Variants in TRIM71 observed in about 807,000 individuals in gnomAD.
The protein encoded by TRIM71 is E3 ubiquitin-protein ligase TRIM71.
In TRIM71, 9 loss-of-function variants were observed where a neutral mutation model predicts 61.2. That is an observed-to-expected ratio of 0.15 (90% confidence interval 0.09 to 0.26). The LOEUF (loss-of-function observed/expected upper bound fraction) is 0.26. Ranked by LOEUF, TRIM71 falls within the 10% of genes least tolerant of loss-of-function variation. The probability of loss-of-function intolerance (pLI) is 1.00; values close to 1 mark genes in which losing one functional copy is unlikely to be tolerated. For missense variants in TRIM71, 998 were observed against 1,238.7 expected (o/e 0.81, Z 2.92); for synonymous variants, 645 against 553.2 (o/e 1.17, Z -2.33).
rs139644775 is a variant in TRIM71, at chr3:32,891,803, G to A, written c.2599G>A (p.Val867Ile). The A allele has an allele frequency of 1.3e-3, 2,026 of 1,613,640 alleles. 1 individual carries two copies. The highest frequency in any genetic ancestry group is 1.5e-3 in the Non-Finnish European group (1,828 of 1,179,988). The change falls in exon 4 of 4, where the codon GTC becomes ATC. Residue 867 changes from valine (V) to isoleucine (I), a missense_variant. By Grantham distance (29) the Val-to-Ile change is conservative. Around this residue, in one of 5 missense-constraint regions of TRIM71, gnomAD observed 95 missense variants for 159.0 expected, o/e 0.60. Coordinates refer to ENST00000383763, the MANE Select transcript of TRIM71 (RefSeq NM_001039111.3). This position sits in a 1 kb window ranked among gnomAD's most constrained non-coding sequence, Gnocchi z 8.2. ...VVDFGNNRILVF is the reference protein window; with the variant it reads ...VVDFGNNRILIF ...GGACTTTGGCAACAATCGAATCCTC[G>A]TCTTCTAATTGCATTTCCTAGGTTT...
intron 1 of TRIM71, among the ~76,000 whole-genome samples, chr3:32,858,162 G>A (rs1308123038): frequency 6.6e-6 from 1 of 152,100 alleles, no homozygotes; most frequent in Non-Finnish European, 1.5e-5. Flanking sequence ...GGACCCTTGT[G>A]TTTCAAACCC....
intron 1 of TRIM71, among the ~76,000 whole-genome samples, chr3:32,859,091 C>G (rs1394009088): frequency 1.3e-5 from 2 of 152,080 alleles, no homozygotes; most frequent in African/African-American, 4.8e-5. Flanking sequence ...GTGCCTGTTT[C>G]CTGTTTCACA....
chr3:32,896,719 T>C lies in TRIM71; in HGVS notation c.*4908T>C, dbSNP rs1049340400. 1.3e-5 allele frequency: 2 copies of C among 152,218 alleles called. No homozygotes were observed. The highest frequency in any genetic ancestry group is 6.5e-5 in the Admixed American group (1 of 15,282). The allele number at this position is 152,218 out of a possible 1,614,324, so 9.4% of individuals were successfully genotyped here. Reference sequence around the variant, plus strand: ...ATTTAACCAATAATGGTTCTAAAAGTTTTGTGTATCCACATGGTCTTAGAC... The same window carrying C: ...ATTTAACCAATAATGGTTCTAAAAGCTTTGTGTATCCACATGGTCTTAGAC... On this transcript the variant is annotated 3_prime_UTR_variant, in exon 4 of 4. Coordinates refer to ENST00000383763, the MANE Select transcript of TRIM71 (RefSeq NM_001039111.3).
chr3:32,836,972 C>G (rs1696341528), intron 1 of TRIM71, among the ~76,000 whole-genome samples: 1 of 152,152 alleles, frequency 6.6e-6, no homozygotes. Flanking sequence ...TGGGCTGGGT[C>G]TTTCTATACA....
chr3:32,823,646 G>C (rs1180955100), intron 1 of TRIM71, among the ~76,000 whole-genome samples: 2 of 146,552 alleles, frequency 1.4e-5, no homozygotes, highest in Non-Finnish European at 3.0e-5. Flanking sequence ...TGTTTTCAAA[G>C]TGAAATAGTT....
intron 1 of TRIM71, among the ~76,000 whole-genome samples, chr3:32,869,695 C>T (rs529730905): frequency 1.6e-4 from 25 of 152,364 alleles, no homozygotes; most frequent in Admixed American, 1.2e-3. Context: ...GTCTCCCGCC[C>T]GTTCCTTTCC....
intron 1 of TRIM71, among the ~76,000 whole-genome samples, chr3:32,862,867 C>T (rs1320000169): frequency 1.3e-5 from 2 of 152,038 alleles, no homozygotes; most frequent in Admixed American, 6.6e-5. Flanking sequence ...TGCTGTAAAT[C>T]GGGACTCAGG....
chr3:32,850,313 A>C (rs1406338757), intron 1 of TRIM71, among the ~76,000 whole-genome samples: 2 of 152,172 alleles, frequency 1.3e-5, no homozygotes, highest in African/African-American at 4.8e-5. Context: ...GGGAGGGTGA[A>C]AAGCTAAGAG....
intron 1 of TRIM71, among the ~76,000 whole-genome samples, chr3:32,826,604 T>TTTTTTTTTTTA (rs1696205683): frequency 2.0e-5 from 3 of 147,698 alleles, no homozygotes; most frequent in African/African-American, 7.6e-5. Flanking sequence ...TTTTTTTTTT[T>TTTTTTTTTTTA]GAGAGGGAGC....
rs1575362037 is a variant in TRIM71 at position 32,890,648 on chromosome 3, G to T, written c.1444G>T (p.Ala482Ser). Reference sequence around the variant, plus strand: ...GTCTTTTGGCTTTGTTAGCAGCGGGGCCTTTGCCCCACTCACCAAGGCCAC... The same window carrying T: ...GTCTTTTGGCTTTGTTAGCAGCGGGTCCTTTGCCCCACTCACCAAGGCCAC... ...IKSFGFVSSGAFAPLTKATGD... is the reference protein window; with the variant it reads ...IKSFGFVSSGSFAPLTKATGD... Residue 482 changes from alanine to serine, a missense_variant, in exon 4 of 4, where the codon GCC becomes TCC. Ala to Ser is a moderately conservative substitution (Grantham distance 99, BLOSUM62 1). Around this residue, in one of 5 missense-constraint regions of TRIM71, gnomAD observed 291 missense variants for 431.2 expected, o/e 0.67. Transcript: ENST00000383763. This position sits in a 1 kb window ranked among gnomAD's most constrained non-coding sequence, Gnocchi z 6.2. 3.1e-6 allele frequency: 5 copies of T among 1,613,814 alleles called. No homozygotes were observed. The highest frequency in any genetic ancestry group is 4.2e-6 in the Non-Finnish European group (5 of 1,180,056).
In TRIM71 at chr3:32,891,289, C is replaced by G. The variant is rs896224039; in HGVS notation, c.2085C>G (p.Thr695=). The G allele has an allele frequency of 1.9e-6, 3 of 1,613,826 alleles. No individual in the cohort carries two copies. Among genetic ancestry groups the G allele is most frequent in the Non-Finnish European group, 2.5e-6 (3 of 1,179,954 alleles). The stretch of plus-strand genomic sequence containing the variant: ...TCCTCAAGTTTGGTGAGAAAGGAAC[C>G]AAGAATGGGCAGTTCAACTACCCTT... ...QFLLKFGEKG[T]KNGQFNYPWD... Residue 695 remains threonine (T), a synonymous_variant, in exon 4 of 4, where the codon ACC becomes ACG. Transcript: ENST00000383763. This position sits in a 1 kb window ranked among gnomAD's most constrained non-coding sequence, Gnocchi z 8.2.
intron 1 of TRIM71, among the ~76,000 whole-genome samples, chr3:32,854,052 G>A (rs1162571723): frequency 2.0e-5 from 3 of 151,822 alleles, no homozygotes; most frequent in East Asian, 1.9e-4. Context: ...CCCTTTGGGC[G>A]ATCTTGGCTC....
chr3:32,842,150 A>T (rs1696414237), intron 1 of TRIM71, among the ~76,000 whole-genome samples: 1 of 152,222 alleles, frequency 6.6e-6, no homozygotes, highest in South Asian at 2.1e-4. Flanking sequence ...GAGGAGGGGA[A>T]TTTGCAGATT....
At chr3:32,856,526 G>A (rs556383870) in intron 1 of TRIM71, among the ~76,000 whole-genome samples, 1 of 152,268 alleles carries the variant, frequency 6.6e-6, no homozygotes, top group African/African-American at 2.4e-5. Context: ...GAAATGTACT[G>A]GATGTTAAAA....
chr3:32,868,085 G>T (rs1022991812), intron 1 of TRIM71, among the ~76,000 whole-genome samples: 2 of 152,094 alleles, frequency 1.3e-5, no homozygotes, highest in South Asian at 4.1e-4. Context: ...TGCTCCTCTT[G>T]TAGGCCCCTT....
Position 32,873,879 on chromosome 3 carries a change from G to T in TRIM71, c.914G>T (p.Arg305Leu). 1 of 1,613,862 alleles carries T rather than the reference G, an allele frequency of 6.2e-7. No individual in the cohort carries two copies. Among genetic ancestry groups the T allele is most frequent in the Non-Finnish European group, 8.5e-7 (1 of 1,179,838 alleles). ...VPICRECTMGRHGGHSFIYLQ... is the reference protein window; with the variant it reads ...VPICRECTMGLHGGHSFIYLQ... ...ATCTGTCGTGAGTGCACAATGGGCC[G>T]GCATGGGGGCCACAGCTTCATCTAC... Residue 305 changes from arginine to leucine, a missense_variant, in exon 2 of 4, where the codon CGG becomes CTG. This residue lies in a region of TRIM71 where 291 missense variants were observed against 431.2 expected (regional missense o/e 0.67). Transcript: ENST00000383763.
At chr3:32,860,466 T>C (rs965304462) in intron 1 of TRIM71, among the ~76,000 whole-genome samples, 1 of 152,058 alleles carries the variant, frequency 6.6e-6, no homozygotes, top group Non-Finnish European at 1.5e-5. Context: ...CCTCACACCT[T>C]TCTTTAAAAA....
At chr3:32,819,005 T>C in intron 1 of TRIM71, 73 bp downstream of exon 1, 1 of 1,507,718 alleles carries the variant, frequency 6.6e-7, no homozygotes, top group Non-Finnish European at 9.1e-7. Flanking sequence ...TCCCGGCCGG[T>C]CCCACAGCGA....
chr3:32,824,058 G>GAA (rs397713933), intron 1 of TRIM71, among the ~76,000 whole-genome samples: 2 of 151,180 alleles, frequency 1.3e-5, no homozygotes, highest in African/African-American at 4.9e-5. Flanking sequence ...CTGGGCAACA[G>GAA]TGAGACTTGT....
Sources: allele counts gnomAD v4.1 joint callset (sites outside exome capture counted in the v4.1 genomes callset), GRCh38; gene constraint gnomAD v4.1.1; regional missense constraint gnomAD v4.1.1; non-coding constraint Gnocchi (gnomAD v3.1); transcripts MANE v1.5; gene names NCBI Gene and HGNC (gene_info 2026-07-23, HGNC 2026-07-21).